Variants in ZNF608 observed in about 807,000 individuals in gnomAD.
ZNF608 encodes renal carcinoma antigen NY-REN-36.
Under a neutral mutation model 109.0 loss-of-function variants are expected in ZNF608, and 12 were observed. That is an observed-to-expected ratio of 0.11 (90% confidence interval 0.07 to 0.18). The LOEUF (loss-of-function observed/expected upper bound fraction) is 0.18. Among genes scored for constraint, ZNF608 ranks in the 10% least tolerant of loss-of-function variants. The probability of loss-of-function intolerance (pLI) is 1.00; values close to 1 mark genes in which losing one functional copy is unlikely to be tolerated. For missense variants in ZNF608, 1,707 were observed against 1,879.3 expected, an observed-to-expected ratio of 0.91 and a Z score of 1.70; for synonymous variants, 732 against 717.4, an observed-to-expected ratio of 1.02 and a Z score of -0.33.
intron 3 of ZNF608, among the ~76,000 whole-genome samples, chr5:124,691,186 G>A (rs543680958): frequency 6.6e-6 from 1 of 152,144 alleles, no homozygotes; most frequent in East Asian, 1.9e-4. Context: ...GAGGCAGAAG[G>A]ATCACTTGAG....
intron 2 of ZNF608, among the ~76,000 whole-genome samples, chr5:124,723,654 C>T: frequency 6.6e-6 from 1 of 152,180 alleles, no homozygotes; most frequent in East Asian, 1.9e-4. Flanking sequence ...TGCCACTGCA[C>T]TCCAGCCTGG....
At chr5:124,670,878 A>C (rs190543952) in intron 3 of ZNF608, among the ~76,000 whole-genome samples, 6 of 152,284 alleles carry the variant, frequency 3.9e-5, no homozygotes, top group Admixed American at 1.3e-4. Context: ...ATCAATTTTC[A>C]ATGTTGTTTC....
At chr5:124,690,951 AC>A (rs1752599294) in intron 3 of ZNF608, among the ~76,000 whole-genome samples, 11 of 150,598 alleles carry the variant, frequency 7.3e-5, no homozygotes, top group Non-Finnish European at 1.0e-4. Context: ...ACACACACAC[AC>A]ACATAATGGA....
At chr5:124,641,473 C>A (rs1407386474) in intron 7 of ZNF608, 68 bp from the exon 8 acceptor site, 1 of 1,461,344 alleles carries the variant, frequency 6.8e-7, no homozygotes, top group African/African-American at 1.4e-5. Flanking sequence ...TACTAAACCA[C>A]CTTTGTCCCT....
At chr5:124,654,657 C>A (rs1750932636) in intron 3 of ZNF608, among the ~76,000 whole-genome samples, 2 of 152,214 alleles carry the variant, frequency 1.3e-5, no homozygotes, top group African/African-American at 4.8e-5. Context: ...TCCTTCTCAG[C>A]CTCCCTATCA....
intron 2 of ZNF608, chr5:124,708,134 T>C (rs527363951): frequency 1.3e-5 from 2 of 152,376 alleles, no homozygotes; most frequent in East Asian, 3.9e-4. Context: ...CAAAGCTCTC[T>C]GATCTTAAAG....
chr5:124,660,157 C>G (rs1465013516), intron 3 of ZNF608, among the ~76,000 whole-genome samples: 1 of 148,602 alleles, frequency 6.7e-6, no homozygotes, highest in Admixed American at 6.6e-5. Context: ...AACAGAAGAA[C>G]TGCCTCTCTT....
intron 3 of ZNF608, among the ~76,000 whole-genome samples, chr5:124,656,773 C>T (rs1751026911): frequency 6.7e-6 from 1 of 148,776 alleles, no homozygotes; most frequent in African/African-American, 2.5e-5. Context: ...AAGGATTTTC[C>T]CCCTAAATAC....
chr5:124,716,003 C>T (rs1315284610), intron 2 of ZNF608, among the ~76,000 whole-genome samples: 1 of 151,728 alleles, frequency 6.6e-6, no homozygotes, highest in Non-Finnish European at 1.5e-5. Context: ...ATTAGCCGGG[C>T]GTGGTGGCGG....
chr5:124,638,674 A>T, intron 9 of ZNF608: 1 of 219,696 alleles, frequency 4.6e-6, no homozygotes, highest in Non-Finnish European at 8.0e-6. Context: ...GTAATGATAT[A>T]CATTGTGAAA....
At chr5:124,645,953 G>T (rs1425912583) in intron 5 of ZNF608, among the ~76,000 whole-genome samples, 2 of 152,188 alleles carry the variant, frequency 1.3e-5, no homozygotes, top group Non-Finnish European at 2.9e-5. Flanking sequence ...CAAAGAAGAT[G>T]CTAGTAGAAA....
intron 5 of ZNF608, among the ~76,000 whole-genome samples, chr5:124,646,449 C>T (rs1396351324): frequency 6.6e-6 from 1 of 152,170 alleles, no homozygotes; most frequent in Non-Finnish European, 1.5e-5. Context: ...CTGCAAAGCA[C>T]CCATCCACAG....
intron 2 of ZNF608, among the ~76,000 whole-genome samples, chr5:124,714,920 T>C (rs1176961502): frequency 6.6e-6 from 1 of 152,192 alleles, no homozygotes; most frequent in Non-Finnish European, 1.5e-5. Context: ...ACCAACTACA[T>C]AGTAAGATTT....
intron 1 of ZNF608, 73 bp from the exon 2 acceptor site, chr5:124,745,245 G>A: frequency 7.7e-7 from 1 of 1,299,074 alleles, no homozygotes; most frequent in Non-Finnish European, 9.8e-7. Context: ...TTAGTATTGG[G>A]GAATCAGTAA....
chr5:124,637,444 A>G lies in ZNF608; in HGVS notation c.*456T>C, dbSNP rs1272149201. 6.6e-6 allele frequency: 1 copy of G among 152,624 alleles called. No individual in the cohort carries two copies. The highest frequency in any genetic ancestry group is 1.5e-5 in the Non-Finnish European group (1 of 68,050). The allele number at this position is 152,624 out of a possible 1,614,324, so 9.5% of individuals were successfully genotyped here. A position where few individuals can be genotyped will look rare whatever the true frequency, so the allele number is the denominator to read the frequency against. On this transcript the variant is annotated 3_prime_UTR_variant, in exon 10 of 10. Transcript: ENST00000513986. ...AGCCTTTCTGAGGGGCTTATGGGAA[A>G]TATGTGAAGGATATGCAAGGTTCAG...
intron 2 of ZNF608, among the ~76,000 whole-genome samples, chr5:124,711,610 C>T (rs1411571132): frequency 2.6e-5 from 4 of 152,168 alleles, no homozygotes; most frequent in African/African-American, 7.2e-5. Context: ...CCGTTTAAGC[C>T]GCCTCACTGT....
chr5:124,701,927 G>A (rs969724890), intron 2 of ZNF608, among the ~76,000 whole-genome samples: 5 of 152,166 alleles, frequency 3.3e-5, no homozygotes, highest in Non-Finnish European at 5.9e-5. Flanking sequence ...CATAACTTGA[G>A]TTTTTCCAAT....
intron 3 of ZNF608, among the ~76,000 whole-genome samples, chr5:124,679,893 T>G (rs1426002999): frequency 6.6e-6 from 1 of 152,180 alleles, no homozygotes; most frequent in Non-Finnish European, 1.5e-5. Context: ...AGGACTTTGA[T>G]TCTTAGAAGT....
chr5:124,700,913 T>A, intron 3 of ZNF608, 101 bp downstream of exon 3: 1 of 1,473,622 alleles, frequency 6.8e-7, no homozygotes, highest in Non-Finnish European at 9.2e-7. Context: ...CACTTTCCAT[T>A]CCTCTCTGAA....
Sources: allele counts gnomAD v4.1 joint callset (sites outside exome capture counted in the v4.1 genomes callset), GRCh38; gene constraint gnomAD v4.1.1; transcripts MANE v1.5; gene names NCBI Gene and HGNC (gene_info 2026-07-23, HGNC 2026-07-21).